MKLN1: variants seen among roughly 807,000 people sequenced by gnomAD.
MKLN1 encodes muskelin.
In MKLN1, 18 loss-of-function variants were observed where a neutral mutation model predicts 99.0. That is an observed-to-expected ratio of 0.18 (90% CI 0.13 to 0.27). MKLN1 has a LOEUF of 0.27. Ranked by LOEUF, MKLN1 falls within the 10% of genes least tolerant of loss-of-function variation. MKLN1 has a pLI of 1.00. For synonymous variants in MKLN1, 288 were observed against 293.2 expected (o/e 0.98, Z 0.18); for missense variants, 621 against 875.9 (o/e 0.71, Z 3.67).
intron 2 of MKLN1, among the ~76,000 whole-genome samples, chr7:131,382,749 G>T (rs1445646507): frequency 6.6e-6 from 1 of 151,276 alleles, no homozygotes; most frequent in Non-Finnish European, 1.5e-5. Context: ...TTAGAGACAG[G>T]GTCTTACTGT....
chr7:131,479,127 A>T (rs557992872), intron 17 of MKLN1, among the ~76,000 whole-genome samples: 2 of 152,300 alleles, frequency 1.3e-5, no homozygotes, highest in Admixed American at 1.3e-4. Context: ...CTTTCCTGAA[A>T]ATGGGAGTTT....
intron 1 of MKLN1, among the ~76,000 whole-genome samples, chr7:131,359,204 GT>G (rs775334062): frequency 1.3e-5 from 2 of 152,000 alleles, no homozygotes; most frequent in Non-Finnish European, 2.9e-5. Flanking sequence ...AAGTTTTGAT[GT>G]TTTGTTCTTA....
chr7:131,248,093 AT>A (rs1797522783), intron 3 of MKLN1, among the ~76,000 whole-genome samples: 3 of 150,252 alleles, frequency 2.0e-5, no homozygotes, highest in South Asian at 2.1e-4. Flanking sequence ...TTATTTATTT[AT>A]TTATTTATTT....
chr7:131,168,511 C>T (rs530247236), intron 2 of MKLN1, among the ~76,000 whole-genome samples: 1 of 152,268 alleles, frequency 6.6e-6, no homozygotes, highest in African/African-American at 2.4e-5. Flanking sequence ...TCCTAGCTAC[C>T]CCTGTCCCCA....
At chr7:131,288,980 A>G (rs1798174917) in intron 3 of MKLN1, among the ~76,000 whole-genome samples, 1 of 152,176 alleles carries the variant, frequency 6.6e-6, no homozygotes, top group African/African-American at 2.4e-5. Flanking sequence ...TTCTTTTAAA[A>G]AAAAAAATTA....
At chr7:131,441,299 T>C (rs1349898748) in intron 10 of MKLN1, among the ~76,000 whole-genome samples, 1 of 152,188 alleles carries the variant, frequency 6.6e-6, no homozygotes, top group East Asian at 1.9e-4. Flanking sequence ...TAGCAATATC[T>C]TCAAATTTTG....
At chr7:131,336,777 AT>A (rs1453834359) in intron 1 of MKLN1, among the ~76,000 whole-genome samples, 10 of 152,280 alleles carry the variant, frequency 6.6e-5, no homozygotes, top group African/African-American at 2.4e-4. Context: ...TCACGTCTAC[AT>A]TTAAATCCAG....
intron 1 of MKLN1, among the ~76,000 whole-genome samples, chr7:131,131,125 G>A (rs1357682528): frequency 6.6e-6 from 1 of 150,510 alleles, no homozygotes; most frequent in Non-Finnish European, 1.5e-5. Flanking sequence ...GGAAGCCAAG[G>A]TGGGAGGATC....
intron 3 of MKLN1, among the ~76,000 whole-genome samples, chr7:131,277,654 G>A (rs1043706243): frequency 7.2e-5 from 11 of 152,136 alleles, no homozygotes; most frequent in African/African-American, 1.4e-4. Context: ...GACCTCAAGC[G>A]ATCCACCCAC....
chr7:131,260,236 G>A (rs1418625940), intron 3 of MKLN1, among the ~76,000 whole-genome samples: 1 of 151,868 alleles, frequency 6.6e-6, no homozygotes, highest in East Asian at 1.9e-4. Flanking sequence ...GTAGAGATGG[G>A]GTTTCACTGT....
At chr7:131,125,280 C>T (rs1405570803) in intron 1 of MKLN1, among the ~76,000 whole-genome samples, 1 of 152,200 alleles carries the variant, frequency 6.6e-6, no homozygotes, top group African/African-American at 2.4e-5. Flanking sequence ...TAATTGCTTA[C>T]TGAAGAAGTA....
At position 131,297,135 on chromosome 7, in the gene MKLN1, GAGGAGATTGAGAAC is replaced by G. The variant is rs1378132136; in HGVS notation, c.-178-78272_-178-78259del. ...TGGGAGGCCAAGGAGGGCAGATCAC[GAGGAGATTGAGAAC>G]AGGAGATTGAGAACAGCCTAGCTAA... On this transcript the variant is annotated intron_variant, in intron 3 of 7. Coordinates refer to the MKLN1 transcript ENST00000416992. Among the ~76,000 whole-genome samples the G allele has an allele frequency of 1.1e-4, 17 of 152,216 alleles. 1 individual carries two copies. Among genetic ancestry groups the G allele is most frequent in the Middle Eastern group, 6.8e-3 (2 of 294 alleles).
intron 2 of MKLN1, among the ~76,000 whole-genome samples, chr7:131,184,606 C>A (rs1043348481): frequency 2.6e-5 from 4 of 151,976 alleles, no homozygotes; most frequent in African/African-American, 9.7e-5. Context: ...TTTACTGCAA[C>A]CTCCGCCTCC....
At chr7:131,223,756 CT>C (rs999333119) in intron 3 of MKLN1, among the ~76,000 whole-genome samples, 6 of 151,962 alleles carry the variant, frequency 3.9e-5, no homozygotes, top group Non-Finnish European at 8.8e-5. Flanking sequence ...ACTGCATGTG[CT>C]TTTTTTGTTG....
chr7:131,214,130 C>T (rs1239314864), intron 3 of MKLN1, among the ~76,000 whole-genome samples: 1 of 152,054 alleles, frequency 6.6e-6, no homozygotes, highest in Non-Finnish European at 1.5e-5. Flanking sequence ...TAATTATTTC[C>T]ACCCGCCTCA....
intron 2 of MKLN1, among the ~76,000 whole-genome samples, chr7:131,157,213 C>G (rs1455066743): frequency 1.3e-5 from 2 of 152,052 alleles, no homozygotes; most frequent in East Asian, 3.9e-4. Flanking sequence ...AGCCCTGTCT[C>G]TACAAAAAAT....
intron 2 of MKLN1, among the ~76,000 whole-genome samples, chr7:131,191,462 G>A (rs1796540258): frequency 6.6e-6 from 1 of 152,200 alleles, no homozygotes; most frequent in South Asian, 2.1e-4. Context: ...AAGACTGTTG[G>A]TCAGGATGAT....
chr7:131,284,645 G>A (rs1798106062), intron 3 of MKLN1, among the ~76,000 whole-genome samples: 1 of 152,184 alleles, frequency 6.6e-6, no homozygotes, highest in African/African-American at 2.4e-5. Flanking sequence ...TGCCAGCTAC[G>A]TGAATAGGGT....
At chr7:131,264,629 TG>T (rs1797780878) in intron 3 of MKLN1, among the ~76,000 whole-genome samples, 1 of 152,154 alleles carries the variant, frequency 6.6e-6, no homozygotes, top group Non-Finnish European at 1.5e-5. Flanking sequence ...CCTATATTTT[TG>T]GGTCCCCGGA....
Sources: gnomAD v4.1 joint callset for allele counts (sites outside exome capture counted in the v4.1 genomes callset) on GRCh38, gnomAD v4.1.1 for gene constraint, MANE v1.5 for transcripts, NCBI Gene and HGNC (gene_info 2026-07-23, HGNC 2026-07-21) for gene names.